Variants in ZC4H2 observed in about 807,000 individuals in gnomAD.
The protein encoded by ZC4H2 is zinc finger C4H2-type containing, also known as zinc finger C4H2 domain-containing protein.
For synonymous variants in ZC4H2, 84 were observed against 66.3 expected, an observed-to-expected ratio of 1.27 and a Z score of -1.30; for missense variants, 137 against 173.9, an observed-to-expected ratio of 0.79 and a Z score of 1.19.
chrX:64,935,036 G>A (rs927742297), intron 1 of ZC4H2, among the ~76,000 whole-genome samples: 1 of 111,224 alleles, frequency 9.0e-6, no homozygotes, highest in Admixed American at 9.5e-5. Context: ...TTGCTCAGTG[G>A]GTTCCAACCC....
In ZC4H2 at chrX:64,933,523, GT is replaced by G. The variant is rs61677975; in HGVS notation, c.54-11536del. On this transcript the variant is annotated intron_variant, in intron 1 of 4. Coordinates refer to ENST00000374839, the MANE Select transcript of ZC4H2 (RefSeq NM_018684.4). Reference sequence around the variant, plus strand: ...TGAATTTATTTTTTATTGGACTGTGGTTTTTTTTAACTTCTTTTTTTCTTTC... The same window carrying G: ...TGAATTTATTTTTTATTGGACTGTGGTTTTTTTAACTTCTTTTTTTCTTTC... Among the ~76,000 whole-genome samples the G allele has an allele frequency of 2.0e-3, 222 of 110,346 alleles. 1 individual carries two copies. Among genetic ancestry groups the G allele is most frequent in the African/African-American group, 7.0e-3 (214 of 30,421 alleles).
chrX:64,932,781 T>C (rs1409351390), intron 1 of ZC4H2, among the ~76,000 whole-genome samples: 1 of 111,410 alleles, frequency 9.0e-6, no homozygotes, highest in Non-Finnish European at 1.9e-5. Flanking sequence ...CTCACAGCTC[T>C]TAAAATTATG....
intron 1 of ZC4H2, among the ~76,000 whole-genome samples, chrX:65,031,679 CAG>C (rs1231962797): frequency 4.5e-5 from 5 of 112,023 alleles, no homozygotes; most frequent in African/African-American, 1.6e-4. Context: ...CCAGAGACTA[CAG>C]AGTCTCAGTC....
At chrX:64,919,558 T>C (rs1277879663) in intron 3 of ZC4H2, 1 of 161,919 alleles carries the variant, frequency 6.2e-6, no homozygotes, top group Non-Finnish European at 1.2e-5. Context: ...GCTCACAAAC[T>C]CCACAGACAC....
intron 1 of ZC4H2, among the ~76,000 whole-genome samples, chrX:65,020,295 G>A (rs1016818163): frequency 1.8e-5 from 2 of 111,342 alleles, no homozygotes; most frequent in Admixed American, 9.6e-5. Context: ...AAGAAAGGTC[G>A]GGTTACCTAC....
intron 1 of ZC4H2, among the ~76,000 whole-genome samples, chrX:65,008,711 C>A (rs1244410519): frequency 8.9e-6 from 1 of 111,894 alleles, no homozygotes; most frequent in Non-Finnish European, 1.9e-5. Flanking sequence ...GTAAGTCAGG[C>A]ATAGAATGAT....
At chrX:65,029,634 A>G (rs1328887722) in intron 1 of ZC4H2, among the ~76,000 whole-genome samples, 1 of 111,424 alleles carries the variant, frequency 9.0e-6, no homozygotes, top group Non-Finnish European at 1.9e-5. Context: ...AGTGGGTAAG[A>G]CCTCTGAGGT....
intron 3 of ZC4H2, 71 bp downstream of exon 3, chrX:64,920,010 G>T: frequency 9.1e-7 from 1 of 1,095,160 alleles, no homozygotes; most frequent in Non-Finnish European, 1.2e-6. Context: ...GCCCGTGTGT[G>T]TGTAGGTATG....
intron 1 of ZC4H2, among the ~76,000 whole-genome samples, chrX:65,026,652 T>A (rs762304015): frequency 2.8e-5 from 3 of 107,964 alleles, no homozygotes; most frequent in Non-Finnish European, 5.7e-5. Flanking sequence ...AAGCTTGCAG[T>A]GAGCCGAGAT....
At chrX:64,922,231 T>G in intron 1 of ZC4H2, 1 of 410,086 alleles carries the variant, frequency 2.4e-6, no homozygotes, top group Non-Finnish European at 3.4e-6. Flanking sequence ...GGCAACATAG[T>G]GAGACCTTAT....
Position 64,999,290 on chromosome X carries a change from G to T in ZC4H2, c.-272+35339C>A, listed in dbSNP as rs1932487317. 2.7e-5 allele frequency among the ~76,000 whole-genome samples: 3 copies of T among 111,182 alleles called. No homozygotes were observed. The South Asian group carries it at 1.1e-3, about 42-fold the overall frequency. On this transcript the variant is annotated intron_variant, in intron 1 of 4. Coordinates refer to the ZC4H2 transcript ENST00000337990. Reference sequence around the variant, plus strand: ...ACACTGTGTGCAGCCCACCACAGAGGGTGAGCTGAAGCAGGGTGGGGTATT... The same window carrying T: ...ACACTGTGTGCAGCCCACCACAGAGTGTGAGCTGAAGCAGGGTGGGGTATT...
intron 1 of ZC4H2, among the ~76,000 whole-genome samples, chrX:64,973,666 C>CT (rs1434838785): frequency 9.0e-6 from 1 of 111,079 alleles, no homozygotes; most frequent in East Asian, 2.8e-4. Flanking sequence ...TTACTATCAT[C>CT]TTTTTTTAGG....
At chrX:64,999,045 T>TG (rs1405256993) in intron 1 of ZC4H2, among the ~76,000 whole-genome samples, 84 of 92,969 alleles carry the variant, frequency 9.0e-4, no homozygotes, top group Non-Finnish European at 1.5e-3. Context: ...ATGTGTTTTT[T>TG]TTTTTTTTTT....
At chrX:65,026,058 G>A (rs980065806) in intron 1 of ZC4H2, among the ~76,000 whole-genome samples, 3 of 111,796 alleles carry the variant, frequency 2.7e-5, no homozygotes, top group African/African-American at 9.8e-5. Flanking sequence ...TCCACCCACA[G>A]GGACAGAGGA....
At chrX:65,029,806 G>C (rs1432275890) in intron 1 of ZC4H2, among the ~76,000 whole-genome samples, 24 of 110,743 alleles carry the variant, frequency 2.2e-4, no homozygotes, top group African/African-American at 7.6e-4. Flanking sequence ...TCACCAGTTG[G>C]GTGGCAGATT....
intron 1 of ZC4H2, among the ~76,000 whole-genome samples, chrX:64,996,856 T>G (rs1932424055): frequency 9.0e-6 from 1 of 110,775 alleles, no homozygotes; most frequent in Non-Finnish European, 1.9e-5. Context: ...TGGTACACCA[T>G]TAAGTGGACC....
intron 1 of ZC4H2, among the ~76,000 whole-genome samples, chrX:64,952,357 T>A (rs1930893519): frequency 9.1e-6 from 1 of 109,621 alleles, no homozygotes; most frequent in South Asian, 4.0e-4. Context: ...GGTAGCTTGA[T>A]GGGGATGGCA....
chrX:64,934,918 G>A (rs1464875711), intron 1 of ZC4H2, among the ~76,000 whole-genome samples: 3 of 109,938 alleles, frequency 2.7e-5, no homozygotes, highest in Admixed American at 9.6e-5. Context: ...TTGGGCAGAC[G>A]CTGAACTAGC....
intron 1 of ZC4H2, among the ~76,000 whole-genome samples, chrX:64,995,920 A>G (rs2147276180): frequency 8.9e-6 from 1 of 112,505 alleles, no homozygotes; most frequent in African/African-American, 3.2e-5. Flanking sequence ...TTGAGGCAAA[A>G]GATTAGCAAT....
Sources: allele counts gnomAD v4.1 joint callset (sites outside exome capture counted in the v4.1 genomes callset), GRCh38; gene constraint gnomAD v4.1.1; transcripts MANE v1.5; gene names NCBI Gene and HGNC (gene_info 2026-07-23, HGNC 2026-07-21).